Variants in RHBDL1 observed in about 807,000 individuals in gnomAD.
RHBDL1 encodes the protein rhomboid-related protein 1.
RHBDL1 carries 21 observed loss-of-function variants against 34.0 expected under a neutral mutation model. The observed-to-expected ratio is 0.62, with a 90% CI of 0.44 to 0.89. The LOEUF (loss-of-function observed/expected upper bound fraction) is 0.89, where lower values mean the gene tolerates loss of function less well. Ranked by LOEUF, RHBDL1 falls within the 40% of genes least tolerant of loss-of-function variation. The probability of loss-of-function intolerance (pLI) is 0.00; values close to 1 mark genes in which losing one functional copy is unlikely to be tolerated. For missense variants in RHBDL1, 450 were observed against 530.6 expected (o/e 0.85, Z 1.49); for synonymous variants, 268 against 234.8 (o/e 1.14, Z -1.29).
chr16:677,621 G>A lies in RHBDL1; in HGVS notation c.790-18G>A, dbSNP rs539221025. On this transcript the variant is annotated intron_variant, in intron 6 of 7. Transcript: ENST00000352681. ...CCCCAGGTGAGCCTCACCACTTCTC[G>A]TCTGCACACACCCATAGAACTGGGC... is the stretch of plus-strand genomic sequence containing the variant. 4.4e-6 allele frequency: 7 copies of A among 1,600,726 alleles called. No homozygotes were observed. The highest frequency in any genetic ancestry group is 4.5e-5 in the East Asian group (2 of 44,730).
At position 676,348 on chromosome 16, in the gene RHBDL1, G is replaced by T. The variant is rs1284453052; in HGVS notation, c.52G>T (p.Glu18Ter). 6.2e-7 allele frequency: 1 copy of T among 1,610,458 alleles called. No homozygotes were observed. Among genetic ancestry groups the T allele is most frequent in the South Asian group, 1.1e-5 (1 of 90,696 alleles). The stretch of plus-strand genomic sequence containing the variant: ...CTCCTCACTGCAGCAGCTGGACCCC[G>T]AGAACACAGGCTTCATCGGTGCGGA... ...QLIQEQQLDP[E>*]NTGFIGADTF... Residue 18 changes from glutamate to a stop codon, truncating the protein, a stop_gained, in exon 2 of 8, where the codon GAG becomes TAG. Transcript: ENST00000352681. LOFTEE classifies it high-confidence loss of function. The surrounding 1 kb of genome is among the most constrained non-coding windows in gnomAD (Gnocchi z 6.9).
In RHBDL1 at chr16:678,025, G is replaced by T. The variant is rs768644867; in HGVS notation, c.1095G>T (p.Leu365=). The T allele has an allele frequency of 6.3e-7, 1 of 1,583,272 alleles. No homozygotes were observed. Among genetic ancestry groups the T allele is most frequent in the East Asian group, 2.2e-5 (1 of 44,594 alleles). Residue 365 remains leucine (L), a synonymous_variant, in exon 8 of 8, where the codon CTG becomes CTT. Transcript: ENST00000352681. ...VFWNVFAYDL[L]GAHIPPPP ...GGAACGTCTTCGCCTACGACCTGCT[G>T]GGCGCCCACATCCCCCCACCGCCCT...
chr16:677,051 C>A lies in RHBDL1; in HGVS notation c.507C>A (p.Pro169=). 2 of 1,612,956 alleles carry A rather than the reference C, an allele frequency of 1.2e-6. No homozygotes were observed. Among genetic ancestry groups the A allele is most frequent in the Non-Finnish European group, 1.7e-6 (2 of 1,179,956 alleles). The change falls in exon 4 of 8, where the codon CCC becomes CCA. Residue 169 remains proline, a synonymous_variant. Coordinates refer to ENST00000352681, the MANE Select transcript of RHBDL1 (RefSeq NM_001278720.2). ...ACCACCCCGAGTACATGAAGAGCCC[C>A]CTTGTGTACCACCCCGGGCACCGTG... is the stretch of plus-strand genomic sequence containing the variant. The part of the protein sequence containing the change: ...QTYHPEYMKS[P]LVYHPGHRAR...
rs1163542298 is a variant in RHBDL1 at position 677,034 on chromosome 16, G to A, written c.490G>A (p.Glu164Lys). The A allele has an allele frequency of 3.1e-6, 5 of 1,612,738 alleles. No individual in the cohort carries two copies. Among genetic ancestry groups the A allele is most frequent in the African/African-American group, 1.3e-5 (1 of 74,876 alleles). ...NKWVLQTYHP[E>K]YMKSPLVYHP... ...GTGGGTGCTGCAGACCTACCACCCC[G>A]AGTACATGAAGAGCCCCCTTGTGTA... Residue 164 changes from glutamate (E) to lysine (K), a missense_variant, in exon 4 of 8, where the codon GAG becomes AAG. Coordinates refer to ENST00000352681, the MANE Select transcript of RHBDL1 (RefSeq NM_001278720.2).
rs1309346733 is a variant in RHBDL1, at chr16:677,959, G to A, written c.1029G>A (p.Val343=). 7 of 1,602,878 alleles carry A rather than the reference G, an allele frequency of 4.4e-6. No individual in the cohort carries two copies. The highest frequency in any genetic ancestry group is 3.3e-5 in the Admixed American group (2 of 59,926). ...GGGACCAGTGCGGCTGGTGGGTGGT[G>A]CTGCTGGCCTACGGCACCTTCCTGC... The part of the protein sequence containing the change: ...RLRDQCGWWV[V]LLAYGTFLLF... Residue 343 remains valine (V), a synonymous_variant, in exon 8 of 8, where the codon GTG becomes GTA. Coordinates refer to ENST00000352681, the MANE Select transcript of RHBDL1 (RefSeq NM_001278720.2).
rs777741928 is a variant in RHBDL1 at position 677,345 on chromosome 16, C to G, written c.645C>G (p.Gly215=). The G allele has an allele frequency of 5.1e-6, 8 of 1,575,902 alleles. No individual in the cohort carries two copies. Among genetic ancestry groups the G allele is most frequent in the Non-Finnish European group, 6.0e-6 (7 of 1,161,520 alleles). The change falls in exon 5 of 8, where the codon GGC becomes GGG. Residue 215 remains glycine (G), a synonymous_variant. Transcript: ENST00000352681. ...GGGTGCCCCTGGAGATGGTGCACGG[C>G]CTGCTCCGCATCAGCCTGCTCTACC... The part of the protein sequence containing the change: ...MIGVPLEMVH[G]LLRISLLYLA...
rs770752263 is a variant in RHBDL1, at chr16:676,315, G to T, written c.40-21G>T. 2 of 1,606,124 alleles carry T rather than the reference G, an allele frequency of 1.2e-6. No individual in the cohort carries two copies. Among genetic ancestry groups the T allele is most frequent in the South Asian group, 1.1e-5 (1 of 89,840 alleles). ...GGGTCGGGCCCGCACTCAGGCCTTG[G>T]CTGGCGGCTCCTCACTGCAGCAGCT... is the stretch of plus-strand genomic sequence containing the variant. On this transcript the variant is annotated intron_variant, in intron 1 of 7. Coordinates refer to ENST00000352681, the MANE Select transcript of RHBDL1 (RefSeq NM_001278720.2). This position sits in a 1 kb window ranked among gnomAD's most constrained non-coding sequence, Gnocchi z 6.9.
chr16:678,011 G>A lies in RHBDL1; in HGVS notation c.1081G>A (p.Ala361Thr). 3.1e-6 allele frequency: 5 copies of A among 1,592,190 alleles called. No individual in the cohort carries two copies. Among genetic ancestry groups the A allele is most frequent in the East Asian group, 2.2e-5 (1 of 44,704 alleles). ...CTTCGCCGTCTTCTGGAACGTCTTC[G>A]CCTACGACCTGCTGGGCGCCCACAT... ...LLFAVFWNVF[A>T]YDLLGAHIPP... The change falls in exon 8 of 8, where the codon GCC becomes ACC. Residue 361 changes from alanine (A) to threonine (T), a missense_variant. Physicochemically the swap from Ala to Thr is moderately conservative, Grantham distance 58. Coordinates refer to ENST00000352681, the MANE Select transcript of RHBDL1 (RefSeq NM_001278720.2).
chr16:676,201 G>A lies in RHBDL1; in HGVS notation c.40-135G>A, dbSNP rs746247573. The A allele has an allele frequency of 1.0e-5, 16 of 1,529,422 alleles. No individual in the cohort carries two copies. Among genetic ancestry groups the A allele is most frequent in the East Asian group, 2.5e-5 (1 of 40,808 alleles). 94.7% of individuals were successfully genotyped at this position (1,529,422 alleles called of 1,614,324 possible). The stretch of plus-strand genomic sequence containing the variant: ...TCCTGGGATCAAGCAGGGTCCCAGG[G>A]AACAGACAGGCACGGGGCCCCTGTC... On this transcript the variant is annotated intron_variant, in intron 1 of 7. Transcript: ENST00000352681. This position sits in a 1 kb window ranked among gnomAD's most constrained non-coding sequence, Gnocchi z 6.9.
In RHBDL1 at chr16:678,226, G is replaced by A. The variant is rs887158297; in HGVS notation, c.*174G>A. The stretch of plus-strand genomic sequence containing the variant: ...CCCACCCCCCACTCCCAGGACTTGC[G>A]GTCTGAGCCTTTTTGGATAATTAAT... On this transcript the variant is annotated 3_prime_UTR_variant, in exon 8 of 8. Transcript: ENST00000352681. 1.2e-5 allele frequency: 17 copies of A among 1,372,932 alleles called. No individual in the cohort carries two copies. Among genetic ancestry groups the A allele is most frequent in the Middle Eastern group, 2.7e-4 (1 of 3,726 alleles). 85.0% of individuals were successfully genotyped at this position (1,372,932 alleles called of 1,614,324 possible).
chr16:677,182 C>T, intron 4 of RHBDL1, 63 bp downstream of exon 4: 2 of 1,579,902 alleles, frequency 1.3e-6, no homozygotes, highest in South Asian at 1.1e-5. Flanking sequence ...AAAGGCTTAG[C>T]CGCAAGGCAG....
At position 676,038 on chromosome 16, in the gene RHBDL1, G is replaced by T. The variant is rs1235078317; in HGVS notation, c.39+209G>T. The T allele has an allele frequency of 3.8e-5, 55 of 1,429,992 alleles. No homozygotes were observed. The highest frequency in any genetic ancestry group is 5.0e-5 in the Non-Finnish European group (54 of 1,088,158). The allele number at this position is 1,429,992 out of a possible 1,614,324, so 88.6% of individuals were successfully genotyped here. On this transcript the variant is annotated intron_variant, in intron 1 of 7. Transcript: ENST00000352681. This position sits in a 1 kb window ranked among gnomAD's most constrained non-coding sequence, Gnocchi z 6.9. ...TGGAGAAGGGAGAGTCGGGGGGAGG[G>T]AGGGAGGGAGGGAGGGAGGGCGGGC...
chr16:677,660 C>A lies in RHBDL1; in HGVS notation c.811C>A (p.Pro271Thr), dbSNP rs2039573066. Residue 271 changes from proline to threonine, a missense_variant, in exon 7 of 8, where the codon CCC becomes ACC. Transcript: ENST00000352681. The stretch of plus-strand genomic sequence containing the variant: ...ATAGAACTGGGCTGGGATGAGATGT[C>A]CCTACAAGTTGCTGAGGATGGTGCT... ...VVMNWAGMRC[P>T]YKLLRMVLAL... 4.5e-6 allele frequency: 7 copies of A among 1,565,174 alleles called. No individual in the cohort carries two copies. The highest frequency in any genetic ancestry group is 6.1e-6 in the Non-Finnish European group (7 of 1,153,070).
At position 676,102 on chromosome 16, in the gene RHBDL1, A is replaced by T. The variant is rs2039534962; in HGVS notation, c.40-234A>T. ...TGGACCTTGGCCCTCGCTTTCCAGG[A>T]TGGGTAGGGTGGAAGACGGGGGAAC... On this transcript the variant is annotated intron_variant, in intron 1 of 7. Coordinates refer to ENST00000352681, the MANE Select transcript of RHBDL1 (RefSeq NM_001278720.2). The surrounding 1 kb of genome is among the most constrained non-coding windows in gnomAD (Gnocchi z 6.9). 7.0e-7 allele frequency: 1 copy of T among 1,433,946 alleles called. No individual in the cohort carries two copies. Among genetic ancestry groups the T allele is most frequent in the South Asian group, 1.5e-5 (1 of 66,402 alleles). The allele number at this position is 1,433,946 out of a possible 1,614,324, so 88.8% of individuals were successfully genotyped here. A position where few individuals can be genotyped will look rare whatever the true frequency, so the allele number is the denominator to read the frequency against.
Position 676,416 on chromosome 16 carries a change from C to T in RHBDL1, c.120C>T (p.Asp40=). 1.2e-6 allele frequency: 2 copies of T among 1,607,400 alleles called. No homozygotes were observed. The highest frequency in any genetic ancestry group is 1.7e-6 in the Non-Finnish European group (2 of 1,178,392). The change falls in exon 2 of 8, where the codon GAC becomes GAT. Residue 40 remains aspartate, a synonymous_variant. Coordinates refer to ENST00000352681, the MANE Select transcript of RHBDL1 (RefSeq NM_001278720.2). This position sits in a 1 kb window ranked among gnomAD's most constrained non-coding sequence, Gnocchi z 6.9. The part of the protein sequence containing the change: ...GLVHSHELPL[D]PAKLDMLVAL... Reference sequence around the variant, plus strand: ...TGCACAGCCATGAGCTGCCCCTGGACCCGGCCAAGCTGGACATGCTGGTGG... The same window carrying T: ...TGCACAGCCATGAGCTGCCCCTGGATCCGGCCAAGCTGGACATGCTGGTGG...
chr16:677,913 G>A lies in RHBDL1; in HGVS notation c.983G>A (p.Arg328Gln), dbSNP rs753248125. 3 of 1,602,702 alleles carry A rather than the reference G, an allele frequency of 1.9e-6. No homozygotes were observed. Among genetic ancestry groups the A allele is most frequent in the Admixed American group, 1.7e-5 (1 of 59,838 alleles). ...GTGAGCATGGGCCTGACCATCCTGCGGAGCTACGAGGAGCGCCTGCGGGAC... is the reference window on the plus strand; with the variant it reads ...GTGAGCATGGGCCTGACCATCCTGCAGAGCTACGAGGAGCGCCTGCGGGAC... ...VGVSMGLTIL[R>Q]SYEERLRDQC... is the part of the protein sequence containing the mutation. The change falls in exon 8 of 8, where the codon CGG becomes CAG. Residue 328 changes from arginine (R) to glutamine (Q), a missense_variant. Transcript: ENST00000352681.
In RHBDL1 at chr16:677,507, G is replaced by C; in HGVS notation, c.737G>C (p.Gly246Ala). 6.2e-7 allele frequency: 1 copy of C among 1,609,176 alleles called. No homozygotes were observed. The highest frequency in any genetic ancestry group is 8.5e-7 in the Non-Finnish European group (1 of 1,179,708). ...ITDMRAPVVG[G>A]SGGVYALCSA... Reference sequence around the variant, plus strand: ...GACATGCGGGCCCCGGTGGTGGGAGGCTCCGGCGGGGTCTACGCCCTGTGC... The same window carrying C: ...GACATGCGGGCCCCGGTGGTGGGAGCCTCCGGCGGGGTCTACGCCCTGTGC... Residue 246 changes from glycine (G) to alanine (A), a missense_variant, in exon 6 of 8, where the codon GGC becomes GCC. Physicochemically the swap from Gly to Ala is moderately conservative, Grantham distance 60. Transcript: ENST00000352681.
intron 1 of RHBDL1, 81 bp downstream of exon 1, chr16:675,910 G>A (rs1041783185): frequency 4.0e-5 from 57 of 1,426,538 alleles, no homozygotes; most frequent in Middle Eastern, 1.8e-4. Context: ...GTGCGGGACC[G>A]AGCTCCCCGA....
Position 677,771 on chromosome 16 carries a change from C to T in RHBDL1, c.851-10C>T, listed in dbSNP as rs1408362076. ...CCAGGGCACCTCCCACCTGCCGCGT[C>T]CCTCTGCAGTGAGCTCCGAGGTGGG... On this transcript the variant is annotated splice_polypyrimidine_tract_variant and intron_variant, in intron 7 of 7. Transcript: ENST00000352681. 3 of 1,522,168 alleles carry T rather than the reference C, an allele frequency of 2.0e-6. No individual in the cohort carries two copies. The highest frequency in any genetic ancestry group is 2.1e-5 in the Admixed American group (1 of 48,620). The allele number at this position is 1,522,168 out of a possible 1,614,324, so 94.3% of individuals were successfully genotyped here. A position where few individuals can be genotyped will look rare whatever the true frequency, so the allele number is the denominator to read the frequency against.
Sources: allele counts gnomAD v4.1 joint callset, GRCh38; gene constraint gnomAD v4.1.1; non-coding constraint Gnocchi (gnomAD v3.1); transcripts MANE v1.5; gene names NCBI Gene and HGNC (gene_info 2026-07-23, HGNC 2026-07-21).